The following PTPRC variants were observed in gnomAD, a reference collection of about 807,000 sequenced individuals.
The protein encoded by PTPRC is protein tyrosine phosphatase receptor type C, also known as receptor-type tyrosine-protein phosphatase C.
A neutral mutation model predicts 155.9 loss-of-function variants in PTPRC; 44 were observed. The observed-to-expected ratio is 0.28, with a 90% CI of 0.22 to 0.36. The LOEUF (loss-of-function observed/expected upper bound fraction) is 0.36. PTPRC is among the 10% of genes least tolerant of loss of function. The pLI is 1.00. For missense variants in PTPRC, 1,401 were observed against 1,564.6 expected (o/e 0.90, Z 1.76); for synonymous variants, 525 against 533.1 (o/e 0.98, Z 0.21).
intron 2 of PTPRC, among the ~76,000 whole-genome samples, chr1:198,671,257 T>C (rs757143065): frequency 7.9e-5 from 12 of 151,936 alleles, no homozygotes; most frequent in Admixed American, 3.3e-4. Flanking sequence ...CTCACCCCCC[T>C]GTTTCCAATA....
intron 29 of PTPRC, among the ~76,000 whole-genome samples, chr1:198,751,088 C>T (rs1655358126): frequency 6.6e-6 from 1 of 151,978 alleles, no homozygotes; most frequent in South Asian, 2.1e-4. Flanking sequence ...GCATTGTCAT[C>T]ACTGAGTCTA....
intron 23 of PTPRC, 142 bp downstream of exon 23, chr1:198,735,394 T>C (rs1432134748): frequency 2.5e-6 from 2 of 815,476 alleles, no homozygotes; most frequent in African/African-American, 1.8e-5. Flanking sequence ...GTTAGAACAA[T>C]GACAAAAATC....
chr1:198,687,564 T>C (rs1234039876), intron 2 of PTPRC, among the ~76,000 whole-genome samples: 1 of 151,836 alleles, frequency 6.6e-6, no homozygotes, highest in East Asian at 1.9e-4. Flanking sequence ...AAGTATTTGT[T>C]AGTGTTCTGC....
chr1:198,719,469 CT>C (rs1465184099), intron 14 of PTPRC, among the ~76,000 whole-genome samples: 1 of 152,106 alleles, frequency 6.6e-6, no homozygotes, highest in Non-Finnish European at 1.5e-5. Context: ...CATAATTCCC[CT>C]TTTTATTTTT....
chr1:198,660,030 CATATAT>C (rs34796231), intron 2 of PTPRC, among the ~76,000 whole-genome samples: 4,291 of 115,518 alleles, frequency 0.037, 106 homozygotes, highest in Admixed American at 0.068. Flanking sequence ...TATATATGTC[CATATAT>C]ATATATATAT....
chr1:198,749,498 T>G lies in PTPRC; in HGVS notation c.3021T>G (p.Asp1007Glu). 6.2e-7 allele frequency: 1 copy of G among 1,610,306 alleles called. No individual in the cohort carries two copies. Among genetic ancestry groups the G allele is most frequent in the Non-Finnish European group, 8.5e-7 (1 of 1,177,532 alleles). The change falls in exon 28 of 33, where the codon GAT becomes GAG. Residue 1007 changes from aspartate (D) to glutamate (E), a missense_variant. By Grantham distance (45) the Asp-to-Glu change is conservative. Coordinates refer to ENST00000442510, the MANE Select transcript of PTPRC (RefSeq NM_002838.5). ...ATGATTCAGATGAATCCTCTGATGA[T>G]GACAGTGATTCAGAGGAACCAAGCA... ...SEHDSDESSDDDSDSEEPSKY... is the reference protein window; with the variant it reads ...SEHDSDESSDEDSDSEEPSKY...
chr1:198,746,690 G>A (rs1021049049), intron 26 of PTPRC, among the ~76,000 whole-genome samples: 2 of 151,830 alleles, frequency 1.3e-5, no homozygotes, highest in Non-Finnish European at 2.9e-5. Flanking sequence ...AAGTGAAACA[G>A]GTAGAGATTT....
intron 3 of PTPRC, among the ~76,000 whole-genome samples, chr1:198,693,449 A>C (rs1462915218): frequency 6.6e-6 from 1 of 152,188 alleles, no homozygotes; most frequent in Non-Finnish European, 1.5e-5. Flanking sequence ...CAACCATACC[A>C]GATGGTTATT....
chr1:198,639,328 A>T lies in PTPRC; in HGVS notation c.60A>T (p.Glu20Asp). Residue 20 changes from glutamate (E) to aspartate (D), a missense_variant, in exon 2 of 33, where the codon GAA becomes GAT. This residue lies in a region of PTPRC where 867 missense variants were observed against 970.4 expected (regional missense o/e 0.89). Coordinates refer to ENST00000442510, the MANE Select transcript of PTPRC (RefSeq NM_002838.5). ...TTGGCTTTGCCTTTCTGGACACAGA[A>T]GTATTTGTGACAGGTAAGTACAAGG... ...LAFGFAFLDT[E>D]VFVTGQSPTP... The T allele has an allele frequency of 1.2e-6, 2 of 1,611,324 alleles. No homozygotes were observed. Among genetic ancestry groups the T allele is most frequent in the Non-Finnish European group, 8.5e-7 (1 of 1,177,640 alleles).
At chr1:198,731,474 T>C in intron 17 of PTPRC, 143 bp from the exon 18 acceptor site, 1 of 662,780 alleles carries the variant, frequency 1.5e-6, no homozygotes. Flanking sequence ...TAAATGTTTG[T>C]ATGTGAGTGA....
rs747910304 is a variant in PTPRC, at chr1:198,709,769, C to A, written c.1116C>A (p.Leu372=). Residue 372 remains leucine, a synonymous_variant, in exon 11 of 33, where the codon CTC becomes CTA. Coordinates refer to ENST00000442510, the MANE Select transcript of PTPRC (RefSeq NM_002838.5). ...EHEYKCDSEI[L]YNNHKFTNAS... ...AGTATAAGTGTGACTCAGAAATACT[C>A]TATAATAACCACAAGTTTACTAACG... 6.2e-7 allele frequency: 1 copy of A among 1,612,432 alleles called. No homozygotes were observed. The highest frequency in any genetic ancestry group is 1.7e-5 in the Admixed American group (1 of 59,918).
At chr1:198,648,975 C>T (rs35320232) in intron 2 of PTPRC, among the ~76,000 whole-genome samples, 12,658 of 151,614 alleles carry the variant, frequency 0.083, 698 homozygotes, top group Middle Eastern at 0.12. Context: ...ACACTTTGAT[C>T]ATGGAAAACA....
intron 2 of PTPRC, among the ~76,000 whole-genome samples, chr1:198,673,596 C>T (rs1439668364): frequency 1.3e-5 from 2 of 152,096 alleles, no homozygotes; most frequent in African/African-American, 4.8e-5. Flanking sequence ...ATTTTCAATA[C>T]ATTCAAAGAT....
Position 198,702,396 on chromosome 1 carries a change from G to A in PTPRC, c.449G>A (p.Gly150Glu), listed in dbSNP as rs776194748. 13 of 1,614,172 alleles carry A rather than the reference G, an allele frequency of 8.1e-6. 1 individual carries two copies. In the South Asian group the frequency reaches 1.4e-4, roughly 18 times the overall value. The part of the protein sequence containing the change: ...PGSNAISDVP[G>E]ERSTASTFPT... ...GCCCTTCTGATTGCAGATGTCCCAGGAGAGAGGAGTACAGCCAGCACCTTT... is the reference window on the plus strand; with the variant it reads ...GCCCTTCTGATTGCAGATGTCCCAGAAGAGAGGAGTACAGCCAGCACCTTT... The change falls in exon 6 of 33, where the codon GGA becomes GAA. Residue 150 changes from glycine (G) to glutamate (E), a missense_variant. By Grantham distance (98) the Gly-to-Glu change is moderately conservative. Coordinates refer to ENST00000442510, the MANE Select transcript of PTPRC (RefSeq NM_002838.5).
chr1:198,668,414 A>G (rs1664444423), intron 2 of PTPRC, among the ~76,000 whole-genome samples: 1 of 152,208 alleles, frequency 6.6e-6, no homozygotes, highest in Non-Finnish European at 1.5e-5. Context: ...TGAAGACAAT[A>G]CAGGAGTTAG....
chr1:198,664,979 G>GA (rs1444673969), intron 2 of PTPRC, among the ~76,000 whole-genome samples: 1 of 151,268 alleles, frequency 6.6e-6, no homozygotes, highest in Non-Finnish European at 1.5e-5. Flanking sequence ...GGACTACCAT[G>GA]AAAAATCCAG....
At chr1:198,642,940 C>CTTTCT (rs1662705011) in intron 2 of PTPRC, among the ~76,000 whole-genome samples, 1 of 147,634 alleles carries the variant, frequency 6.8e-6, no homozygotes, top group African/African-American at 2.5e-5. Context: ...TTCTTTCTTT[C>CTTTCT]TTTCTTTCTT....
chr1:198,717,847 C>T (rs903708902), intron 13 of PTPRC, among the ~76,000 whole-genome samples: 3 of 152,084 alleles, frequency 2.0e-5, no homozygotes, highest in Admixed American at 6.6e-5. Flanking sequence ...TACACAGTCT[C>T]CTTCAGGGAT....
At chr1:198,706,659 G>C (rs1652988911) in intron 8 of PTPRC, 75 bp from the exon 9 acceptor site, 8 of 1,483,846 alleles carry the variant, frequency 5.4e-6, no homozygotes, top group African/African-American at 1.4e-5. Context: ...TAGTTGATTT[G>C]ATATTTTGGC....
Sources: allele counts gnomAD v4.1 joint callset (sites outside exome capture counted in the v4.1 genomes callset), GRCh38; gene constraint gnomAD v4.1.1; regional missense constraint gnomAD v4.1.1; transcripts MANE v1.5; gene names NCBI Gene and HGNC (gene_info 2026-07-23, HGNC 2026-07-21).